Variants in TMEFF2 observed in about 807,000 individuals in gnomAD.
TMEFF2 encodes tomoregulin-2.
A neutral mutation model predicts 53.8 loss-of-function variants in TMEFF2; 28 were observed. The observed-to-expected ratio is 0.52, with a 90% confidence interval of 0.39 to 0.71. The LOEUF (loss-of-function observed/expected upper bound fraction) is 0.71, where lower values mean the gene tolerates loss of function less well. Ranked by LOEUF, TMEFF2 falls within the 30% of genes least tolerant of loss-of-function variation. The pLI, the probability that TMEFF2 is intolerant of heterozygous loss-of-function variation, is 0.00. For missense variants in TMEFF2, 353 were observed against 455.2 expected (o/e 0.78, Z 2.04); for synonymous variants, 162 against 166.3 (o/e 0.97, Z 0.20).
chr2:192,054,893 G>GA (rs374591823), intron 5 of TMEFF2, among the ~76,000 whole-genome samples: 285 of 148,120 alleles, frequency 1.9e-3, no homozygotes, highest in Non-Finnish European at 3.1e-3. Context: ...AGATAGCTGA[G>GA]AAAAAAAAAC....
At chr2:192,119,351 C>A (rs1321407214) in intron 4 of TMEFF2, among the ~76,000 whole-genome samples, 2 of 152,112 alleles carry the variant, frequency 1.3e-5, no homozygotes, top group African/African-American at 4.8e-5. Context: ...TGCAAATGTT[C>A]TTCTGTAATA....
intron 7 of TMEFF2, among the ~76,000 whole-genome samples, 185 bp downstream of exon 7, chr2:191,998,071 AAAAACC>A: frequency 6.6e-6 from 1 of 152,098 alleles, no homozygotes; most frequent in Middle Eastern, 3.4e-3. Flanking sequence ...TAACTCTGGC[AAAAACC>A]GTATGTCTTC....
At chr2:192,176,679 A>T (rs1186979574) in intron 4 of TMEFF2, 1 of 151,160 alleles carries the variant, frequency 6.6e-6, no homozygotes, top group Non-Finnish European at 1.5e-5. Flanking sequence ...ATTTTATAAA[A>T]CCTTTATGTC....
chr2:191,986,893 A>G (rs1685991154), intron 7 of TMEFF2, among the ~76,000 whole-genome samples: 1 of 150,670 alleles, frequency 6.6e-6, no homozygotes, highest in African/African-American at 2.4e-5. Flanking sequence ...TGTTTGAAGC[A>G]GCAAGATGAA....
intron 5 of TMEFF2, among the ~76,000 whole-genome samples, chr2:192,025,210 A>C (rs1384013050): frequency 2.6e-5 from 4 of 152,114 alleles, no homozygotes; most frequent in South Asian, 2.1e-4. Context: ...CCACTTTTCT[A>C]GGACTGTTAA....
intron 4 of TMEFF2, among the ~76,000 whole-genome samples, chr2:192,168,718 C>G (rs1402739104): frequency 6.6e-6 from 1 of 152,072 alleles, no homozygotes; most frequent in Non-Finnish European, 1.5e-5. Context: ...TTTTAGTACA[C>G]AAAACCATTC....
intron 4 of TMEFF2, among the ~76,000 whole-genome samples, chr2:192,116,420 A>G (rs1024455970): frequency 6.6e-6 from 1 of 151,964 alleles, no homozygotes; most frequent in Non-Finnish European, 1.5e-5. Context: ...CATCGTGAGT[A>G]TACTTAATAA....
At chr2:192,127,665 A>C (rs189722287) in intron 4 of TMEFF2, among the ~76,000 whole-genome samples, 1 of 84,332 alleles carries the variant, frequency 1.2e-5, no homozygotes, top group African/African-American at 4.7e-5. Context: ...AAATTGAGCA[A>C]CAGTACAATT....
At position 192,133,940 on chromosome 2, in the gene TMEFF2, T is replaced by G. The variant is rs190344725; in HGVS notation, c.439+45728A>C. Among the ~76,000 whole-genome samples the G allele has an allele frequency of 6.5e-3, 989 of 152,198 alleles. 7 individuals carry two copies. Among genetic ancestry groups the G allele is most frequent in the African/African-American group, 0.022 (914 of 41,512 alleles). On this transcript the variant is annotated intron_variant, in intron 4 of 9. Transcript: ENST00000272771. ...ATCCCTTACAAAACAACAACTCCTT[T>G]CCTTCCTAGGCATGGTTAGTGCAGT... is the stretch of plus-strand genomic sequence containing the variant.
chr2:192,147,558 C>T (rs1179475893), intron 4 of TMEFF2, among the ~76,000 whole-genome samples: 3 of 151,700 alleles, frequency 2.0e-5, no homozygotes, highest in Non-Finnish European at 4.4e-5. Flanking sequence ...TCAATTCCCA[C>T]CTATGAGTGA....
At position 191,956,278 on chromosome 2, in the gene TMEFF2, G is replaced by A; in HGVS notation, c.846C>T (p.Ile282=). The A allele has an allele frequency of 6.2e-7, 1 of 1,613,424 alleles. No individual in the cohort carries two copies. Among genetic ancestry groups the A allele is most frequent in the East Asian group, 2.2e-5 (1 of 44,848 alleles). Residue 282 remains isoleucine (I), a synonymous_variant, in exon 8 of 10, where the codon ATC becomes ATT. Coordinates refer to ENST00000272771, the MANE Select transcript of TMEFF2 (RefSeq NM_016192.4). ...ACCTGCAAGATGGCTCCTGCATATT[G>A]ATAGAATGCTCACACTTCCCATGCA... ...FCMHGKCEHS[I]NMQEPSCRCD...
intron 4 of TMEFF2, among the ~76,000 whole-genome samples, chr2:192,059,154 CA>C (rs1559107946): frequency 6.6e-6 from 1 of 151,748 alleles, no homozygotes. Context: ...TTTTCTAAAA[CA>C]TTTTTTTCCT....
At chr2:192,055,085 A>T (rs190538305) in intron 5 of TMEFF2, among the ~76,000 whole-genome samples, 1 of 152,206 alleles carries the variant, frequency 6.6e-6, no homozygotes, top group African/African-American at 2.4e-5. Flanking sequence ...TTTTTTAAAA[A>T]GTGAAACAAT....
chr2:192,051,122 T>A (rs1687760298), intron 5 of TMEFF2, among the ~76,000 whole-genome samples: 1 of 152,174 alleles, frequency 6.6e-6, no homozygotes, highest in African/African-American at 2.4e-5. Context: ...AGGGAGGTCA[T>A]ACCTCAACTC....
intron 7 of TMEFF2, among the ~76,000 whole-genome samples, chr2:191,973,516 G>GT (rs990789746): frequency 4.6e-5 from 7 of 151,986 alleles, no homozygotes; most frequent in Non-Finnish European, 1.0e-4. Flanking sequence ...TATAGATACG[G>GT]TTTTTTCTTT....
In TMEFF2 at chr2:191,956,264, G is replaced by C; in HGVS notation, c.860C>G (p.Pro287Arg). The part of the protein sequence containing the change: ...KCEHSINMQE[P>R]SCRCDAGYTG... ...CGAGTAAAAATGTTACCTGCAAGATGGCTCCTGCATATTGATAGAATGCTC... is the reference window on the plus strand; with the variant it reads ...CGAGTAAAAATGTTACCTGCAAGATCGCTCCTGCATATTGATAGAATGCTC... The change falls in exon 8 of 10, where the codon CCA (proline) becomes CGA (arginine). Residue 287 changes from proline (P) to arginine (R), a missense_variant. Pro to Arg is a moderately radical substitution (Grantham distance 103, BLOSUM62 -2). This residue lies in a region of TMEFF2 where 294 missense variants were observed against 397.3 expected (regional missense o/e 0.74). Coordinates refer to ENST00000272771, the MANE Select transcript of TMEFF2 (RefSeq NM_016192.4). The C allele has an allele frequency of 6.2e-7, 1 of 1,608,372 alleles. No individual in the cohort carries two copies. The highest frequency in any genetic ancestry group is 8.5e-7 in the Non-Finnish European group (1 of 1,178,160).
At chr2:191,999,783 G>T (rs1686312298) in intron 5 of TMEFF2, among the ~76,000 whole-genome samples, 1 of 151,788 alleles carries the variant, frequency 6.6e-6, no homozygotes, top group African/African-American at 2.4e-5. Flanking sequence ...AAACCCTTTG[G>T]AAAAATGAAA....
intron 4 of TMEFF2, among the ~76,000 whole-genome samples, chr2:192,069,988 G>GTATA (rs55800219): frequency 7.6e-5 from 9 of 118,854 alleles, no homozygotes; most frequent in South Asian, 5.1e-4. Context: ...GTGTGTGTGT[G>GTATA]TATATATATA....
At chr2:192,130,081 AATT>A (rs1437393118) in intron 4 of TMEFF2, among the ~76,000 whole-genome samples, 1 of 152,186 alleles carries the variant, frequency 6.6e-6, no homozygotes, top group African/African-American at 2.4e-5. Context: ...ACTGTCATTT[AATT>A]ATTACTTTTT....
Sources: gnomAD v4.1 joint callset for allele counts (sites outside exome capture counted in the v4.1 genomes callset) on GRCh38, gnomAD v4.1.1 for gene constraint, gnomAD v4.1.1 regional missense constraint, MANE v1.5 for transcripts, NCBI Gene and HGNC (gene_info 2026-07-23, HGNC 2026-07-21) for gene names.